The following DNAH17 variants were observed in gnomAD, a reference collection of about 807,000 sequenced individuals.
DNAH17 encodes dynein axonemal heavy chain 17.
Under a neutral mutation model 485.6 loss-of-function variants are expected in DNAH17, and 376 were observed. That is an observed-to-expected ratio of 0.77 (90% confidence interval 0.71 to 0.84). The LOEUF is 0.84. DNAH17 is among the 40% of genes least tolerant of loss of function. DNAH17 has a pLI of 0.00. For synonymous variants in DNAH17, 3,031 were observed against 2,405.9 expected (o/e 1.26, Z -7.60); for missense variants, 6,370 against 5,839.3 (o/e 1.09, Z -2.96).
chr17:78,432,053 G>A (rs923589928), intron 75 of DNAH17, among the ~76,000 whole-genome samples: 6 of 151,882 alleles, frequency 4.0e-5, no homozygotes, highest in African/African-American at 9.7e-5. Flanking sequence ...CATTGTGGCC[G>A]CTGTAGTCCC....
chr17:78,484,221 T>TC (rs563844656), intron 48 of DNAH17, among the ~76,000 whole-genome samples: 8 of 150,004 alleles, frequency 5.3e-5, no homozygotes, highest in Non-Finnish European at 1.2e-4. Context: ...CTGCACTCTG[T>TC]CCCGAGGCCC....
intron 2 of DNAH17, among the ~76,000 whole-genome samples, 178 bp downstream of exon 2, chr17:78,574,535 A>C (rs2092406047): frequency 6.6e-6 from 1 of 151,902 alleles, no homozygotes; most frequent in Non-Finnish European, 1.5e-5. Flanking sequence ...ACCAAAAGCA[A>C]GCAGGTCTGT....
chr17:78,499,712 G>A (rs1300146280), intron 36 of DNAH17: 1 of 152,660 alleles, frequency 6.6e-6, no homozygotes, highest in African/African-American at 2.4e-5. Context: ...AGCCTCAGGA[G>A]GGGGCCCCCA....
At chr17:78,479,982 C>CTAAA (rs1343063731) in intron 49 of DNAH17, among the ~76,000 whole-genome samples, 1 of 133,166 alleles carries the variant, frequency 7.5e-6, no homozygotes, top group Non-Finnish European at 1.6e-5. Context: ...GGATGCCCTG[C>CTAAA]TAAATCTGAA....
Position 78,551,546 on chromosome 17 carries a change from G to T in DNAH17, c.2380C>A (p.Gln794Lys), listed in dbSNP as rs2091901981. The change falls in exon 16 of 81, where the codon CAG (glutamine) becomes AAG (lysine). Residue 794 changes from glutamine to lysine, a missense_variant. Transcript: ENST00000389840. ...TGCCCCTTGCTTACCTTCATAGCCT[G>T]GGAAATTCCTTCTATATTTTGTTTT... ...KAKQNIEGISQAMKDWSANPL... is the reference protein window; with the variant it reads ...KAKQNIEGISKAMKDWSANPL... 1 of 1,613,796 alleles carries T rather than the reference G, an allele frequency of 6.2e-7. No individual in the cohort carries two copies. The highest frequency in any genetic ancestry group is 8.5e-7 in the Non-Finnish European group (1 of 1,179,834).
At chr17:78,543,351 C>T (rs941344077) in intron 17 of DNAH17, among the ~76,000 whole-genome samples, 11 of 149,988 alleles carry the variant, frequency 7.3e-5, no homozygotes, top group South Asian at 2.1e-4. Context: ...ATTGCAGTGG[C>T]GCAATCTTGG....
intron 75 of DNAH17, among the ~76,000 whole-genome samples, chr17:78,431,513 G>A (rs1237697257): frequency 1.3e-5 from 2 of 150,930 alleles, no homozygotes; most frequent in African/African-American, 4.9e-5. Flanking sequence ...GTCCCTGCAG[G>A]TTGCTCTGTG....
intron 48 of DNAH17, among the ~76,000 whole-genome samples, chr17:78,482,069 ACTTT>A (rs1568126015): frequency 8.7e-6 from 1 of 114,734 alleles, no homozygotes; most frequent in Non-Finnish European, 1.7e-5. Context: ...TACACTAGTT[ACTTT>A]TTTTTTTTTT....
intron 64 of DNAH17, 135 bp from the exon 65 acceptor site, chr17:78,453,600 T>C (rs1392467241): frequency 8.6e-7 from 1 of 1,156,782 alleles, no homozygotes; most frequent in African/African-American, 1.5e-5. Flanking sequence ...CCACAACTTG[T>C]TCCCAACAGC....
At chr17:78,509,044 GCAACTTCTCCCTC>G (rs2090564980) in intron 27 of DNAH17, among the ~76,000 whole-genome samples, 1 of 105,944 alleles carries the variant, frequency 9.4e-6, no homozygotes, top group African/African-American at 4.0e-5. Context: ...TCAGCTCACT[GCAACTTCTCCCTC>G]CCAGGTTCAA....
intron 14 of DNAH17, among the ~76,000 whole-genome samples, chr17:78,557,016 C>T (rs1385526417): frequency 2.0e-5 from 3 of 152,146 alleles, no homozygotes; most frequent in Non-Finnish European, 4.4e-5. Flanking sequence ...TGTTGCTGGA[C>T]GGGACCGCCC....
In DNAH17 at chr17:78,571,796, G is replaced by T; in HGVS notation, c.540-14C>A. ...GAAGAGGGGATCCTGCCCAGTGGAA[G>T]GTTGGGGCATTGCTCTCATGGCGAC... On this transcript the variant is annotated splice_polypyrimidine_tract_variant and intron_variant, in intron 3 of 80. Coordinates refer to ENST00000389840, the MANE Select transcript of DNAH17 (RefSeq NM_173628.4). The T allele has an allele frequency of 6.4e-7, 1 of 1,562,488 alleles. No individual in the cohort carries two copies. Among genetic ancestry groups the T allele is most frequent in the South Asian group, 1.2e-5 (1 of 81,712 alleles).
intron 56 of DNAH17, among the ~76,000 whole-genome samples, 193 bp from the exon 57 acceptor site, chr17:78,463,270 G>A (rs2088233067): frequency 1.3e-5 from 2 of 152,142 alleles, no homozygotes; most frequent in Admixed American, 6.5e-5. Context: ...ACCATGGAAG[G>A]GTTTAGCTCA....
chr17:78,439,020 C>T (rs372556870), intron 73 of DNAH17, 70 bp downstream of exon 73: 418 of 1,563,256 alleles, frequency 2.7e-4, no homozygotes, highest in Non-Finnish European at 3.5e-4. Context: ...CCTTCCGGGC[C>T]TTCTGGCCCA....
At chr17:78,440,295 C>T (rs556349405) in intron 72 of DNAH17, among the ~76,000 whole-genome samples, 16 of 138,314 alleles carry the variant, frequency 1.2e-4, no homozygotes, top group South Asian at 7.1e-4. Context: ...CTTACTCGGT[C>T]GCCCAGGCTG....
At position 78,486,204 on chromosome 17, in the gene DNAH17, G is replaced by A. The variant is rs781497787; in HGVS notation, c.7101+20C>T. ...GCTGAGAGACCCTGTGTGGGTGGCC[G>A]GGCCCCCCAGGTGCATCACCTGGTC... On this transcript the variant is annotated intron_variant, in intron 45 of 80. Transcript: ENST00000389840. 3.5e-5 allele frequency: 55 copies of A among 1,585,744 alleles called. No homozygotes were observed. Among genetic ancestry groups the A allele is most frequent in the East Asian group, 1.3e-4 (6 of 44,624 alleles).
Position 78,532,568 on chromosome 17 carries a change from A to G in DNAH17, c.3028T>C (p.Cys1010Arg). The stretch of plus-strand genomic sequence containing the variant: ...TCCAAGTCCTCCGCAGTGACTGCAC[A>G]CCCATATATCAGGAAATTCTTCATA... ...EFMKNFLIYG[C>R]AVTAEDLDTW... Residue 1010 changes from cysteine to arginine, a missense_variant, in exon 20 of 81, where the codon TGT becomes CGT. Transcript: ENST00000389840. 1 of 1,609,990 alleles carries G rather than the reference A, an allele frequency of 6.2e-7. No individual in the cohort carries two copies. The highest frequency in any genetic ancestry group is 8.5e-7 in the Non-Finnish European group (1 of 1,178,182).
chr17:78,507,408 CCA>C (rs1413252930), intron 28 of DNAH17, 39 bp from the exon 29 acceptor site: 1 of 1,613,940 alleles, frequency 6.2e-7, no homozygotes, highest in Non-Finnish European at 8.5e-7. Flanking sequence ...TTAGGGATCG[CCA>C]CACACAGTCA....
At chr17:78,547,617 ATTTTTTTT>A (rs58852980) in intron 16 of DNAH17, among the ~76,000 whole-genome samples, 4 of 134,620 alleles carry the variant, frequency 3.0e-5, no homozygotes, top group African/African-American at 2.9e-5. Flanking sequence ...GTTCATTACT[ATTTTTTTT>A]TTTTTTTTTT....
Sources: gnomAD v4.1 joint callset for allele counts (sites outside exome capture counted in the v4.1 genomes callset) on GRCh38, gnomAD v4.1.1 for gene constraint, MANE v1.5 for transcripts, NCBI Gene and HGNC (gene_info 2026-07-23, HGNC 2026-07-21) for gene names.